HDAC4: variants seen among roughly 807,000 people sequenced by gnomAD.
HDAC4 encodes the protein histone deacetylase 4.
A neutral mutation model predicts 135.1 loss-of-function variants in HDAC4; 16 were observed. That is an observed-to-expected ratio of 0.12 (90% CI 0.08 to 0.18). The LOEUF is 0.18. HDAC4 is among the 10% of genes least tolerant of loss of function. The pLI is 1.00. For missense variants in HDAC4, 1,143 were observed against 1,511.8 expected (o/e 0.76, Z 4.05); for synonymous variants, 685 against 653.4 (o/e 1.05, Z -0.74).
chr2:239,357,903 A>G (rs1347726060), intron 1 of HDAC4, among the ~76,000 whole-genome samples: 1 of 115,576 alleles, frequency 8.7e-6, no homozygotes. Context: ...AAAAAAAAAA[A>G]AAAAAAAAAA....
At chr2:239,383,519 G>A (rs1461063128) in intron 1 of HDAC4, among the ~76,000 whole-genome samples, 1 of 152,176 alleles carries the variant, frequency 6.6e-6, no homozygotes, top group Admixed American at 6.5e-5. Context: ...TGGCTCCTCT[G>A]AGCGCCACAG....
At chr2:239,336,199 C>G (rs12476996) in intron 2 of HDAC4, among the ~76,000 whole-genome samples, 57,193 of 151,982 alleles carry the variant, frequency 0.38, 11,386 homozygotes, top group Non-Finnish European at 0.43. Context: ...GAAGTGGTAT[C>G]TAGAGGGTGT....
At chr2:239,267,915 C>T (rs2049839444) in intron 2 of HDAC4, among the ~76,000 whole-genome samples, 1 of 152,254 alleles carries the variant, frequency 6.6e-6, no homozygotes, top group African/African-American at 2.4e-5. Context: ...CTTTCAAATA[C>T]CGTCTCGTCT....
intron 5 of HDAC4, among the ~76,000 whole-genome samples, chr2:239,164,906 T>C (rs2043033746): frequency 6.6e-6 from 1 of 152,176 alleles, no homozygotes; most frequent in Non-Finnish European, 1.5e-5. Flanking sequence ...TCGGCACATC[T>C]TGGTAAATTG....
At chr2:239,163,750 G>C in intron 6 of HDAC4, 53 bp downstream of exon 6, 3 of 1,585,840 alleles carry the variant, frequency 1.9e-6, no homozygotes, top group Non-Finnish European at 2.6e-6. Context: ...CGATCAGACA[G>C]TCCTCTGGGC....
At chr2:239,061,190 T>C (rs1207392320) in intron 24 of HDAC4, among the ~76,000 whole-genome samples, 2 of 151,892 alleles carry the variant, frequency 1.3e-5, no homozygotes, top group Non-Finnish European at 2.9e-5. Context: ...CGTGACAGCA[T>C]GTGCTTGTGG....
intron 3 of HDAC4, among the ~76,000 whole-genome samples, chr2:239,216,442 T>C (rs527247913): frequency 1.3e-5 from 2 of 152,336 alleles, no homozygotes; most frequent in East Asian, 3.9e-4. Flanking sequence ...CTACCAGCCC[T>C]GATCTTGCCC....
chr2:239,275,164 C>T (rs2050282891), intron 2 of HDAC4, among the ~76,000 whole-genome samples: 1 of 150,566 alleles, frequency 6.6e-6, no homozygotes, highest in Admixed American at 6.6e-5. Flanking sequence ...TGGGGGCCGG[C>T]CGGAAGCCCC....
chr2:239,358,918 T>A (rs981981716), intron 1 of HDAC4, among the ~76,000 whole-genome samples: 1 of 152,224 alleles, frequency 6.6e-6, no homozygotes, highest in Non-Finnish European at 1.5e-5. Context: ...GGTAAGACAC[T>A]GGTTTCCAAA....
intron 2 of HDAC4, among the ~76,000 whole-genome samples, chr2:239,302,569 C>T (rs1035906690): frequency 6.6e-6 from 1 of 152,224 alleles, no homozygotes; most frequent in Admixed American, 6.5e-5. Context: ...AACACTGCAG[C>T]GGGCGCTGCC....
chr2:239,083,910 G>A (rs912951330), intron 20 of HDAC4, among the ~76,000 whole-genome samples: 1 of 152,222 alleles, frequency 6.6e-6, no homozygotes, highest in African/African-American at 2.4e-5. Context: ...GGCCCTGGCC[G>A]CTGCCGTCAC....
chr2:239,251,078 T>C (rs2048761375), intron 2 of HDAC4, among the ~76,000 whole-genome samples: 2 of 151,908 alleles, frequency 1.3e-5, no homozygotes, highest in South Asian at 4.2e-4. Context: ...TGACGTGGGG[T>C]GGAAAGGGCC....
intron 22 of HDAC4, among the ~76,000 whole-genome samples, chr2:239,080,283 C>T (rs990413834): frequency 1.3e-5 from 2 of 152,202 alleles, no homozygotes. Flanking sequence ...AAGAGAAAAG[C>T]GCTGAAGACT....
intron 2 of HDAC4, among the ~76,000 whole-genome samples, chr2:239,281,374 ACACACCATGTACATGC>A (rs2050734687): frequency 1.8e-5 from 2 of 108,906 alleles, no homozygotes; most frequent in African/African-American, 3.1e-5. Context: ...ACACCACTCT[ACACACCATGTACATGC>A]CACTCTACAA....
intron 1 of HDAC4, among the ~76,000 whole-genome samples, chr2:239,359,575 C>T (rs1693732251): frequency 6.6e-6 from 1 of 152,180 alleles, no homozygotes; most frequent in African/African-American, 2.4e-5. Context: ...CTTCCCAGAG[C>T]TGGGGGGTGG....
intron 3 of HDAC4, among the ~76,000 whole-genome samples, chr2:239,195,756 C>G (rs1290866578): frequency 6.6e-6 from 1 of 152,148 alleles, no homozygotes; most frequent in Non-Finnish European, 1.5e-5. Context: ...ATAGGTTGTG[C>G]CTTGAGAAAC....
Position 239,293,325 on chromosome 2 carries a change from G to A in HDAC4, c.23-56661C>T, listed in dbSNP as rs556201878. Among the ~76,000 whole-genome samples the A allele has an allele frequency of 2.6e-5, 4 of 152,352 alleles. No individual in the cohort carries two copies. The East Asian group carries it at 7.7e-4, about 29-fold the overall frequency. ...GAATTTCTCTGAGCTTCCCCCAAAG[G>A]GGTTTGACCAGGGCCTGTCCCCTGC... On this transcript the variant is annotated intron_variant, in intron 2 of 26. Transcript: ENST00000543185.
chr2:239,288,582 G>C (rs891092381), intron 2 of HDAC4, among the ~76,000 whole-genome samples: 7 of 151,498 alleles, frequency 4.6e-5, no homozygotes, highest in Admixed American at 4.6e-4. Context: ...GAAATTATAA[G>C]ATTTTAATAA....
At chr2:239,374,211 A>C (rs1694829844) in intron 1 of HDAC4, among the ~76,000 whole-genome samples, 1 of 152,112 alleles carries the variant, frequency 6.6e-6, no homozygotes, top group Non-Finnish European at 1.5e-5. Flanking sequence ...GACCTGGGAG[A>C]TCACATTGAG....
Sources: allele counts gnomAD v4.1 joint callset (sites outside exome capture counted in the v4.1 genomes callset), GRCh38; gene constraint gnomAD v4.1.1; transcripts MANE v1.5; gene names NCBI Gene and HGNC (gene_info 2026-07-23, HGNC 2026-07-21).